APP: variants seen among roughly 807,000 people sequenced by gnomAD.
APP encodes the protein amyloid-beta precursor protein.
APP carries 31 observed loss-of-function variants against 101.4 expected under a neutral mutation model. The ratio of observed to expected loss-of-function variants is 0.31; its 90% CI spans 0.23 to 0.41. APP has a LOEUF of 0.41. Ranked by LOEUF, APP falls within the 10% of genes least tolerant of loss-of-function variation. APP has a pLI of 1.00. For missense variants in APP, 839 were observed against 1,003.7 expected (o/e 0.84, Z 2.22); for synonymous variants, 366 against 364.4 (o/e 1.00, Z -0.05).
At chr21:26,134,666 G>A (rs2062859588) in intron 1 of APP, among the ~76,000 whole-genome samples, 1 of 152,182 alleles carries the variant, frequency 6.6e-6, no homozygotes, top group South Asian at 2.1e-4. Context: ...CATTATGTAG[G>A]TATCATTGAT....
intron 17 of APP, among the ~76,000 whole-genome samples, chr21:25,884,727 A>C (rs1434154505): frequency 6.6e-6 from 1 of 152,262 alleles, no homozygotes; most frequent in East Asian, 1.9e-4. Flanking sequence ...GAGATCAAGC[A>C]CAAAGCTGCT....
intron 1 of APP, among the ~76,000 whole-genome samples, chr21:26,125,334 A>G (rs1002181122): frequency 3.3e-5 from 5 of 152,146 alleles, no homozygotes; most frequent in Admixed American, 2.6e-4. Context: ...GGCTCTGTTG[A>G]TTGGTATAAA....
At chr21:26,132,746 T>C (rs2062820694) in intron 1 of APP, among the ~76,000 whole-genome samples, 1 of 152,242 alleles carries the variant, frequency 6.6e-6, no homozygotes, top group African/African-American at 2.4e-5. Context: ...CAGTAAATTA[T>C]GTTACAGACT....
intron 13 of APP, chr21:25,937,762 A>G (rs1223745703): frequency 6.6e-6 from 1 of 152,070 alleles, no homozygotes; most frequent in African/African-American, 2.4e-5. Flanking sequence ...TTATGCTTAT[A>G]CAGTTTTTTG....
At chr21:26,072,386 A>T (rs918175072) in intron 3 of APP, among the ~76,000 whole-genome samples, 5 of 152,164 alleles carry the variant, frequency 3.3e-5, no homozygotes, top group African/African-American at 1.2e-4. Flanking sequence ...TTTTGGTACA[A>T]CTGTAAGCTC....
At chr21:25,904,283 T>C (rs558432397) in intron 15 of APP, among the ~76,000 whole-genome samples, 1 of 152,356 alleles carries the variant, frequency 6.6e-6, no homozygotes, top group African/African-American at 2.4e-5. Flanking sequence ...GGCACATATA[T>C]GCTTCTGCTG....
intron 16 of APP, among the ~76,000 whole-genome samples, chr21:25,892,667 T>C (rs1443427455): frequency 6.6e-6 from 1 of 152,238 alleles, no homozygotes; most frequent in Non-Finnish European, 1.5e-5. Context: ...GGATTAAACA[T>C]AAAAATAATT....
rs58179819 is a variant in APP, at chr21:25,927,524, T to C, written c.1688-15562A>G. Among the ~76,000 whole-genome samples the C allele has an allele frequency of 6.4e-4, 97 of 152,252 alleles. 1 individual carries two copies. The highest frequency in any genetic ancestry group is 2.2e-3 in the African/African-American group (92 of 41,554). On this transcript the variant is annotated intron_variant, in intron 13 of 17. Transcript: ENST00000346798. The stretch of plus-strand genomic sequence containing the variant: ...GTTTTTATCTTGACCTCCAGAAAAT[T>C]AGGTCAGTTATTTTTAGCTACACTA...
chr21:26,051,422 G>A (rs1365261741), intron 4 of APP, among the ~76,000 whole-genome samples: 1 of 152,102 alleles, frequency 6.6e-6, no homozygotes, highest in East Asian at 1.9e-4. Context: ...AGACCACGAT[G>A]TTATATAATA....
chr21:25,948,135 G>A (rs1457497161), intron 13 of APP, among the ~76,000 whole-genome samples: 1 of 149,894 alleles, frequency 6.7e-6, no homozygotes, highest in Non-Finnish European at 1.5e-5. Flanking sequence ...TAAGAACAAA[G>A]TGACAGCTCT....
In APP at chr21:26,093,406, T is replaced by C. The variant is rs2061868998; in HGVS notation, c.226-3334A>G. Among the ~76,000 whole-genome samples, 4 of 152,326 alleles carry C rather than the reference T, an allele frequency of 2.6e-5. No homozygotes were observed. In the South Asian group the frequency reaches 8.3e-4, roughly 32 times the overall value. ...ATTTCCTCAGGAGTCATCGGTTTTC[T>C]ATAAACCCAGTGGCAGGCATATTCA... On this transcript the variant is annotated intron_variant, in intron 2 of 17. Transcript: ENST00000346798.
intron 1 of APP, among the ~76,000 whole-genome samples, chr21:26,165,049 G>T (rs2063577842): frequency 6.6e-6 from 1 of 151,974 alleles, no homozygotes; most frequent in Admixed American, 6.6e-5. Context: ...TTTAATAAAT[G>T]AAATTTTATA....
At chr21:26,084,326 C>T (rs560629959) in intron 3 of APP, among the ~76,000 whole-genome samples, 99 of 150,890 alleles carry the variant, frequency 6.6e-4, no homozygotes, top group Middle Eastern at 3.4e-3. Flanking sequence ...GCAAGCTCCG[C>T]CTCCCGGGTT....
chr21:26,089,770 C>A, intron 3 of APP, 173 bp downstream of exon 3: 1 of 898,840 alleles, frequency 1.1e-6, no homozygotes, highest in East Asian at 2.7e-5. Context: ...AAATACTGCT[C>A]CTATAGGGTC....
chr21:26,025,112 C>CT (rs537723662), intron 5 of APP, among the ~76,000 whole-genome samples: 47 of 149,488 alleles, frequency 3.1e-4, no homozygotes, highest in Middle Eastern at 3.5e-3. Context: ...AAATAACTGA[C>CT]TTTTTTTTTT....
intron 3 of APP, among the ~76,000 whole-genome samples, chr21:26,074,295 A>C (rs974889328): frequency 6.6e-6 from 1 of 152,218 alleles, no homozygotes; most frequent in Non-Finnish European, 1.5e-5. Context: ...CACCTACTGA[A>C]ACGCCACATT....
At chr21:26,057,008 T>C (rs1411717891) in intron 3 of APP, among the ~76,000 whole-genome samples, 1 of 152,250 alleles carries the variant, frequency 6.6e-6, no homozygotes, top group Non-Finnish European at 1.5e-5. Flanking sequence ...GCACGGTTTA[T>C]ATTTTCTCTT....
rs58036272 is a variant in APP, at chr21:26,010,820, CAAA to C, written c.866-10641_866-10639del. 7.5e-4 allele frequency among the ~76,000 whole-genome samples: 41 copies of C among 54,834 alleles called. No individual in the cohort carries two copies. In the South Asian group the frequency reaches 0.024, roughly 33 times the overall value. 36.0% of individuals were successfully genotyped at this position (54,834 alleles called of 152,430 possible). A position where few individuals can be genotyped will look rare whatever the true frequency, so the allele number is the denominator to read the frequency against. On this transcript the variant is annotated intron_variant, in intron 6 of 17. Coordinates refer to ENST00000346798, the MANE Select transcript of APP (RefSeq NM_000484.4). ...TGGGTGACAGAGTGAGACTTCGTCT[CAAA>C]AAAAAAAAAAAAAAAAAAAGCAAAA... is the stretch of plus-strand genomic sequence containing the variant.
chr21:25,960,287 G>C (rs1190468340), intron 11 of APP, among the ~76,000 whole-genome samples: 1 of 152,088 alleles, frequency 6.6e-6, no homozygotes, highest in African/African-American at 2.4e-5. Flanking sequence ...CTAGGTGCTG[G>C]GGTGATTACT....
Sources: allele counts gnomAD v4.1 joint callset (sites outside exome capture counted in the v4.1 genomes callset), GRCh38; gene constraint gnomAD v4.1.1; transcripts MANE v1.5; gene names NCBI Gene and HGNC (gene_info 2026-07-23, HGNC 2026-07-21).